The following LRRN3 variants were observed in gnomAD, a reference collection of about 807,000 sequenced individuals.
The protein encoded by LRRN3 is leucine-rich repeat neuronal protein 3.
A neutral mutation model predicts 40.1 loss-of-function variants in LRRN3; 15 were observed. The ratio of observed to expected loss-of-function variants is 0.37; its 90% confidence interval spans 0.25 to 0.58. The LOEUF is 0.58. Among genes scored for constraint, LRRN3 ranks in the 20% least tolerant of loss-of-function variants. LRRN3 has a pLI of 0.72. For synonymous variants in LRRN3, 308 were observed against 297.2 expected (o/e 1.04, Z -0.37); for missense variants, 746 against 837.7 (o/e 0.89, Z 1.35).
intron 2 of LRRN3, among the ~76,000 whole-genome samples, chr7:111,104,314 T>G (rs1433434056): frequency 6.6e-6 from 1 of 151,810 alleles, no homozygotes; most frequent in African/African-American, 2.4e-5. Flanking sequence ...AAATGTTTAC[T>G]TCTGTAATCC....
chr7:111,108,028 T>A (rs1193705967), intron 2 of LRRN3, among the ~76,000 whole-genome samples: 5 of 152,188 alleles, frequency 3.3e-5, no homozygotes, highest in Non-Finnish European at 7.4e-5. Flanking sequence ...ATGGCTTTCT[T>A]TACAATACTG....
At chr7:111,117,894 C>G (rs962532907) in intron 2 of LRRN3, among the ~76,000 whole-genome samples, 1 of 151,994 alleles carries the variant, frequency 6.6e-6, no homozygotes, top group African/African-American at 2.4e-5. Flanking sequence ...TTATAATACA[C>G]ATAATAAAGT....
At chr7:111,116,170 G>C (rs536716510) in intron 2 of LRRN3, among the ~76,000 whole-genome samples, 1 of 152,160 alleles carries the variant, frequency 6.6e-6, no homozygotes, top group South Asian at 2.1e-4. Context: ...GGCCTATATT[G>C]TCATCTAAAG....
chr7:111,119,565 A>T (rs1800332059), intron 2 of LRRN3, among the ~76,000 whole-genome samples: 1 of 152,212 alleles, frequency 6.6e-6, no homozygotes, highest in African/African-American at 2.4e-5. Flanking sequence ...GGATTTTAGT[A>T]ATATATGTAA....
At chr7:111,108,861 A>C (rs1214968738) in intron 2 of LRRN3, among the ~76,000 whole-genome samples, 1 of 152,186 alleles carries the variant, frequency 6.6e-6, no homozygotes, top group Non-Finnish European at 1.5e-5. Flanking sequence ...TTTATAATTA[A>C]AAGCAACTGA....
intron 2 of LRRN3, among the ~76,000 whole-genome samples, chr7:111,111,921 T>TTATATA (rs140449960): frequency 7.6e-5 from 11 of 144,088 alleles, no homozygotes; most frequent in African/African-American, 2.8e-4. Flanking sequence ...TATATTTTAT[T>TTATATA]TATATATATA....
chr7:111,124,031 T>A lies in LRRN3; in HGVS notation c.1259T>A (p.Leu420His). 6.2e-7 allele frequency: 1 copy of A among 1,614,080 alleles called. No homozygotes were observed. The highest frequency in any genetic ancestry group is 8.5e-7 in the Non-Finnish European group (1 of 1,179,992). Residue 420 changes from leucine to histidine, a missense_variant, in exon 3 of 3, where the codon CTC (leucine) becomes CAC (histidine). Coordinates refer to ENST00000308478, the MANE Select transcript of LRRN3 (RefSeq NM_001099658.2). Reference protein sequence around the residue: ...VHFRDMMEICLPLIAPESFPS... With the variant: ...VHFRDMMEICHPLIAPESFPS... ...TTCAGGGACATGATGGAAATTTGTC[T>A]CCCTCTTATAGCTCCTGAGAGCTTT...
chr7:111,104,532 T>A (rs947102608), intron 2 of LRRN3, among the ~76,000 whole-genome samples: 1 of 151,820 alleles, frequency 6.6e-6, no homozygotes, highest in Non-Finnish European at 1.5e-5. Context: ...GAGGGGACAT[T>A]ATATGTGAAA....
intron 2 of LRRN3, among the ~76,000 whole-genome samples, chr7:111,106,456 C>G (rs935922517): frequency 5.9e-5 from 9 of 151,706 alleles, no homozygotes; most frequent in African/African-American, 2.2e-4. Flanking sequence ...GAAAAACAGT[C>G]CAATTAAAAA....
Position 111,122,586 on chromosome 7 carries a change from T to A in LRRN3, c.-187T>A. The A allele has an allele frequency of 1.7e-6, 1 of 576,894 alleles. No individual in the cohort carries two copies. The highest frequency in any genetic ancestry group is 2.4e-5 in the South Asian group (1 of 41,810). The allele number at this position is 576,894 out of a possible 1,614,324, so 35.7% of individuals were successfully genotyped here. ...GTAACCTTCTCTTCTCCAATATGCA[T>A]GACATTTTTGGACAATGCAATTGTG... On this transcript the variant is annotated 5_prime_UTR_variant, in exon 3 of 3. It removes an upstream start codon present in the reference 5' UTR. Coordinates refer to ENST00000308478, the MANE Select transcript of LRRN3 (RefSeq NM_001099658.2).
intron 1 of LRRN3, among the ~76,000 whole-genome samples, chr7:111,093,728 G>GT (rs1797105331): frequency 6.6e-6 from 1 of 152,156 alleles, no homozygotes; most frequent in South Asian, 2.1e-4. Flanking sequence ...GTGTGTGCCA[G>GT]TGAGTTTGGT....
chr7:111,120,875 A>C (rs1252269933), intron 2 of LRRN3, among the ~76,000 whole-genome samples: 3 of 151,840 alleles, frequency 2.0e-5, no homozygotes, highest in Non-Finnish European at 4.4e-5. Flanking sequence ...AATCTAACTC[A>C]TTTGGTTGTA....
rs1484668343 is a variant in LRRN3, at chr7:111,123,593, G to A, written c.821G>A (p.Arg274Lys). 1.2e-6 allele frequency: 2 copies of A among 1,612,940 alleles called. No homozygotes were observed. Among genetic ancestry groups the A allele is most frequent in the East Asian group, 4.5e-5 (2 of 44,826 alleles). Residue 274 changes from arginine to lysine, a missense_variant, in exon 3 of 3, where the codon AGA (arginine) becomes AAA (lysine). Physicochemically the swap from Arg to Lys is conservative, Grantham distance 26. Coordinates refer to ENST00000308478, the MANE Select transcript of LRRN3 (RefSeq NM_001099658.2). This position sits in a 1 kb window ranked among gnomAD's most constrained non-coding sequence, Gnocchi z 6.4. ...GATCTAAATAAAAATCCTATTAATA[G>A]AATACGAAGGGGTGATTTTAGCAAT... is the stretch of plus-strand genomic sequence containing the variant. ...FLDLNKNPIN[R>K]IRRGDFSNML... is the part of the protein sequence containing the mutation.
chr7:111,096,518 AAAAC>A (rs1292633697), intron 1 of LRRN3, among the ~76,000 whole-genome samples: 1 of 151,048 alleles, frequency 6.6e-6, no homozygotes, highest in African/African-American at 2.4e-5. Flanking sequence ...TAAAAAAAAA[AAAAC>A]AAAACAAAAC....
rs1258811702 is a variant in LRRN3, at chr7:111,123,923, C to G, written c.1151C>G (p.Thr384Ser). 3 of 1,614,012 alleles carry G rather than the reference C, an allele frequency of 1.9e-6. No individual in the cohort carries two copies. The highest frequency in any genetic ancestry group is 1.1e-5 in the South Asian group (1 of 91,084). ...ATCCGTTGGATGAACATGAACAAAA[C>G]CAACATTCGATTCATGGAGCCAGAT... ...CVIRWMNMNK[T>S]NIRFMEPDSL... The change falls in exon 3 of 3, where the codon ACC (threonine) becomes AGC (serine). Residue 384 changes from threonine to serine, a missense_variant. Coordinates refer to ENST00000308478, the MANE Select transcript of LRRN3 (RefSeq NM_001099658.2). The surrounding 1 kb of genome is among the most constrained non-coding windows in gnomAD (Gnocchi z 6.4).
chr7:111,118,548 A>C (rs1447303677), intron 2 of LRRN3, among the ~76,000 whole-genome samples: 1 of 152,048 alleles, frequency 6.6e-6, no homozygotes, highest in Admixed American at 6.6e-5. Context: ...GATGGGTCTC[A>C]ATAACCTTAC....
Position 111,123,434 on chromosome 7 carries a change from G to A in LRRN3, c.662G>A (p.Gly221Asp), listed in dbSNP as rs1416903685. ...LINLRSLVIA[G>D]INLTEIPDNA... The stretch of plus-strand genomic sequence containing the variant: ...AATCTTCGCAGCCTGGTTATAGCTG[G>A]TATAAACCTCACAGAAATACCAGAT... The change falls in exon 3 of 3, where the codon GGT becomes GAT. Residue 221 changes from glycine (G) to aspartate (D), a missense_variant. Physicochemically the swap from Gly to Asp is moderately conservative, Grantham distance 94. Transcript: ENST00000308478. The surrounding 1 kb of genome is among the most constrained non-coding windows in gnomAD (Gnocchi z 6.4). 1 of 1,613,512 alleles carries A rather than the reference G, an allele frequency of 6.2e-7. No homozygotes were observed. The highest frequency in any genetic ancestry group is 2.2e-5 in the East Asian group (1 of 44,858).
Position 111,124,473 on chromosome 7 carries a change from A to G in LRRN3, c.1701A>G (p.Gln567=). The G allele has an allele frequency of 6.2e-7, 1 of 1,613,962 alleles. No individual in the cohort carries two copies. The highest frequency in any genetic ancestry group is 8.5e-7 in the Non-Finnish European group (1 of 1,179,972). ...FVKTENSHAA[Q]SARIPSDVKV... is the part of the protein sequence containing the mutation. ...AGACTGAAAATTCTCATGCTGCGCA[A>G]AGTGCTCGAATACCATCTGATGTCA... Residue 567 remains glutamine, a synonymous_variant, in exon 3 of 3, where the codon CAA becomes CAG. Coordinates refer to ENST00000308478, the MANE Select transcript of LRRN3 (RefSeq NM_001099658.2).
chr7:111,108,571 C>T (rs1436860060), intron 2 of LRRN3, among the ~76,000 whole-genome samples: 3 of 151,920 alleles, frequency 2.0e-5, no homozygotes, highest in African/African-American at 2.4e-5. Context: ...CAGATTTATT[C>T]GAGATATAAT....
Sources: gnomAD v4.1 joint callset for allele counts (sites outside exome capture counted in the v4.1 genomes callset) on GRCh38, gnomAD v4.1.1 for gene constraint, Gnocchi (gnomAD v3.1) non-coding constraint, MANE v1.5 for transcripts, NCBI Gene and HGNC (gene_info 2026-07-23, HGNC 2026-07-21) for gene names.